SPAG9: variants seen among roughly 807,000 people sequenced by gnomAD.
SPAG9 encodes the protein sperm associated antigen 9.
Under a neutral mutation model 166.5 loss-of-function variants are expected in SPAG9, and 35 were observed. That is an observed-to-expected ratio of 0.21 (90% CI 0.16 to 0.28). The LOEUF is 0.28. Ranked by LOEUF, SPAG9 falls within the 10% of genes least tolerant of loss-of-function variation. SPAG9 has a pLI of 1.00. For synonymous variants in SPAG9, 534 were observed against 565.5 expected, an observed-to-expected ratio of 0.94 and a Z score of 0.79; for missense variants, 1,235 against 1,603.3, an observed-to-expected ratio of 0.77 and a Z score of 3.92.
intron 2 of SPAG9, among the ~76,000 whole-genome samples, chr17:51,066,989 C>T (rs2047691604): frequency 6.6e-6 from 1 of 152,104 alleles, no homozygotes; most frequent in Admixed American, 6.5e-5. Context: ...CAGCAAGAAC[C>T]TGAACAGAAA....
chr17:50,975,125 ATTTT>A, intron 27 of SPAG9, 178 bp from the exon 28 acceptor site: 2 of 549,384 alleles, frequency 3.6e-6, no homozygotes, highest in Non-Finnish European at 6.2e-6. Flanking sequence ...CATGCTAGTT[ATTTT>A]TAAGTACCTC....
intron 1 of SPAG9, among the ~76,000 whole-genome samples, chr17:51,113,076 G>A (rs528809642): frequency 5.3e-5 from 8 of 151,784 alleles, no homozygotes; most frequent in East Asian, 1.9e-4. Context: ...GGCCGCTGCC[G>A]GGCGTGGTGG....
chr17:50,975,956 G>A, intron 27 of SPAG9: 1 of 1,335,514 alleles, frequency 7.5e-7, no homozygotes, highest in Non-Finnish European at 1.0e-6. Flanking sequence ...AGGGAGGAGA[G>A]AATTACTGTG....
intron 5 of SPAG9, among the ~76,000 whole-genome samples, chr17:51,039,553 G>A (rs1175528559): frequency 1.3e-5 from 2 of 152,104 alleles, no homozygotes; most frequent in Non-Finnish European, 2.9e-5. Flanking sequence ...AGTAGAGAGA[G>A]ACAGGGTTTT....
At chr17:51,000,681 G>A (rs538631926) in intron 13 of SPAG9, among the ~76,000 whole-genome samples, 29 of 151,230 alleles carry the variant, frequency 1.9e-4, no homozygotes, top group Non-Finnish European at 3.5e-4. Flanking sequence ...GCAGTGAGCC[G>A]AGATCACACT....
At chr17:51,051,972 A>T (rs2047196267) in intron 3 of SPAG9, among the ~76,000 whole-genome samples, 1 of 152,144 alleles carries the variant, frequency 6.6e-6, no homozygotes, top group African/African-American at 2.4e-5. Context: ...GTGCTTCAAA[A>T]TTGTCCTTTA....
Position 50,993,799 on chromosome 17 carries a change from C to G in SPAG9, c.2363G>C (p.Cys788Ser). 6.2e-7 allele frequency: 1 copy of G among 1,614,110 alleles called. No homozygotes were observed. Among genetic ancestry groups the G allele is most frequent in the Non-Finnish European group, 8.5e-7 (1 of 1,180,010 alleles). Residue 788 changes from cysteine to serine, a missense_variant, in exon 19 of 30, where the codon TGC (cysteine) becomes TCC (serine). Cys to Ser is a moderately radical substitution (Grantham distance 112). Transcript: ENST00000262013. ...PGNILDSFTV[C>S]NSHVLCIASV... ...TGCAATGCACAGAACATGAGAGTTG[C>G]AAACAGTGAAACTGTCTAGGATGTT...
chr17:51,026,150 C>T (rs1042273028), intron 6 of SPAG9, among the ~76,000 whole-genome samples: 3 of 152,058 alleles, frequency 2.0e-5, no homozygotes, highest in Non-Finnish European at 2.9e-5. Flanking sequence ...CAGTCCCCCA[C>T]TCCCCACAAA....
chr17:51,072,817 C>T (rs2047860049), intron 2 of SPAG9, among the ~76,000 whole-genome samples: 1 of 152,186 alleles, frequency 6.6e-6, no homozygotes, highest in Non-Finnish European at 1.5e-5. Flanking sequence ...AAAAAGCACT[C>T]ATTCCCAATC....
At chr17:50,983,872 T>C (rs957943622) in intron 24 of SPAG9, among the ~76,000 whole-genome samples, 1 of 152,144 alleles carries the variant, frequency 6.6e-6, no homozygotes, top group African/African-American at 2.4e-5. Flanking sequence ...AATGGAGCCC[T>C]CTCACTCTTT....
chr17:51,053,857 ATATATATATATATATATATATATATATAT>A (rs2047269025), intron 3 of SPAG9, among the ~76,000 whole-genome samples: 1 of 36,580 alleles, frequency 2.7e-5, no homozygotes, highest in Non-Finnish European at 4.5e-5. Flanking sequence ...AAAAAAAAGT[ATATATATATATATATATATATATATATAT>A]ATATATATAT....
At chr17:51,095,835 GATATATAGTGAT>G (rs1204706198) in intron 1 of SPAG9, among the ~76,000 whole-genome samples, 21 of 142,792 alleles carry the variant, frequency 1.5e-4, no homozygotes, top group African/African-American at 4.4e-4. Context: ...GAGATATAGA[GATATATAGTGAT>G]ATATATAGTG....
intron 3 of SPAG9, among the ~76,000 whole-genome samples, chr17:51,051,652 G>A (rs949133661): frequency 1.3e-4 from 19 of 151,974 alleles, no homozygotes; most frequent in Admixed American, 6.6e-5. Flanking sequence ...CCCTGGAGGC[G>A]GAGGTTGCAG....
rs74712865 is a variant in SPAG9 at position 51,037,486 on chromosome 17, G to A, written c.741+4015C>T. Among the ~76,000 whole-genome samples, 115 of 151,200 alleles carry A rather than the reference G, an allele frequency of 7.6e-4. 1 individual carries two copies. The East Asian group carries it at 0.017, about 22-fold the overall frequency. On this transcript the variant is annotated intron_variant, in intron 5 of 29. Coordinates refer to ENST00000262013, the MANE Select transcript of SPAG9 (RefSeq NM_001130528.3). The stretch of plus-strand genomic sequence containing the variant: ...AAATTAGCCAGGCACGGTGGTGGAC[G>A]TCTGTAATCCCAGCTACTTGGAAGG...
chr17:51,073,189 G>A (rs372305661), intron 2 of SPAG9, among the ~76,000 whole-genome samples: 4 of 152,090 alleles, frequency 2.6e-5, no homozygotes, highest in African/African-American at 4.8e-5. Context: ...TTTTCCGGGC[G>A]TGGTGGTGGG....
chr17:50,995,138 A>C lies in SPAG9; in HGVS notation c.2145T>G (p.Asp715Glu). 1 of 1,614,110 alleles carries C rather than the reference A, an allele frequency of 6.2e-7. No individual in the cohort carries two copies. The highest frequency in any genetic ancestry group is 8.5e-7 in the Non-Finnish European group (1 of 1,179,968). Residue 715 changes from aspartate (D) to glutamate (E), a missense_variant, in exon 18 of 30, where the codon GAT becomes GAG. By Grantham distance (45) the Asp-to-Glu change is conservative (BLOSUM62 2). Coordinates refer to ENST00000262013, the MANE Select transcript of SPAG9 (RefSeq NM_001130528.3). ...TGCCTTCTGTATCCAAACCAGCAAC[A>C]TCCTTGTAAAATACACTTGCTCCAA... The part of the protein sequence containing the change: ...SVVGASVFYK[D>E]VAGLDTEGSK...
At chr17:51,074,011 T>C (rs1342017629) in intron 2 of SPAG9, among the ~76,000 whole-genome samples, 1 of 142,616 alleles carries the variant, frequency 7.0e-6, no homozygotes, top group South Asian at 2.3e-4. Flanking sequence ...CCGAGGCAGG[T>C]GGATAACAAG....
chr17:51,090,090 T>C (rs2048425133), intron 1 of SPAG9, among the ~76,000 whole-genome samples: 1 of 152,108 alleles, frequency 6.6e-6, no homozygotes, highest in African/African-American at 2.4e-5. Context: ...TCACAGCACA[T>C]GCAAACGTCT....
intron 29 of SPAG9, 101 bp downstream of exon 29, chr17:50,970,606 C>A: frequency 2.1e-6 from 2 of 942,716 alleles, no homozygotes; most frequent in Non-Finnish European, 3.1e-6. Flanking sequence ...TCAAAGAGAA[C>A]CTCTTATAAA....
Sources: allele counts gnomAD v4.1 joint callset (sites outside exome capture counted in the v4.1 genomes callset), GRCh38; gene constraint gnomAD v4.1.1; transcripts MANE v1.5; gene names NCBI Gene and HGNC (gene_info 2026-07-23, HGNC 2026-07-21).